The following COPZ1 variants were observed in gnomAD, a reference collection of about 807,000 sequenced individuals.
The protein encoded by COPZ1 is coatomer subunit zeta-1.
A neutral mutation model predicts 31.7 loss-of-function variants in COPZ1; 4 were observed. The observed-to-expected ratio is 0.13, with a 90% CI of 0.06 to 0.29. The LOEUF (loss-of-function observed/expected upper bound fraction) is 0.29, where lower values mean the gene tolerates loss of function less well. Ranked by LOEUF, COPZ1 falls within the 10% of genes least tolerant of loss-of-function variation. COPZ1 has a pLI of 1.00. For missense variants in COPZ1, 156 were observed against 211.5 expected (o/e 0.74, Z 1.63); for synonymous variants, 74 against 79.0 (o/e 0.94, Z 0.33).
intron 1 of COPZ1, among the ~76,000 whole-genome samples, chr12:54,330,088 G>A (rs1394061784): frequency 2.0e-5 from 3 of 152,002 alleles, no homozygotes; most frequent in African/African-American, 7.2e-5. Context: ...CCTCCATTTT[G>A]TTAGGAGAAG....
intron 1 of COPZ1, among the ~76,000 whole-genome samples, chr12:54,328,270 C>G (rs1276446470): frequency 9.8e-6 from 1 of 102,372 alleles, no homozygotes; most frequent in South Asian, 5.1e-4. Context: ...TGTTAGACTC[C>G]ATCTCAAAAA....
intron 8 of COPZ1, 31 bp downstream of exon 8, chr12:54,349,689 G>T: frequency 1.3e-6 from 2 of 1,575,864 alleles, no homozygotes; most frequent in Non-Finnish European, 1.7e-6. Flanking sequence ...TTTCCAGATG[G>T]ACTGGGTCAC....
At chr12:54,329,802 A>C (rs1000940208) in intron 1 of COPZ1, among the ~76,000 whole-genome samples, 1 of 152,210 alleles carries the variant, frequency 6.6e-6, no homozygotes, top group Non-Finnish European at 1.5e-5. Context: ...CAAAGTGCAC[A>C]AGGATATGAG....
intron 1 of COPZ1, among the ~76,000 whole-genome samples, chr12:54,331,299 G>T (rs1243805858): frequency 6.9e-6 from 1 of 145,550 alleles, no homozygotes; most frequent in African/African-American, 2.5e-5. Flanking sequence ...TCCTTCCTCC[G>T]CCTCCCGAGT....
intron 1 of COPZ1, among the ~76,000 whole-genome samples, chr12:54,335,181 C>CAA (rs556631294): frequency 6.8e-5 from 6 of 88,628 alleles, no homozygotes; most frequent in African/African-American, 2.2e-4. Context: ...GAAACTCTGT[C>CAA]AAAAAAAAAA....
At chr12:54,325,230 G>A (rs958840926) in intron 1 of COPZ1, 49 bp downstream of exon 1, 5 of 1,545,940 alleles carry the variant, frequency 3.2e-6, no homozygotes, top group African/African-American at 1.4e-5. Flanking sequence ...ACAGGGGCCG[G>A]GAGTCAGGGT....
chr12:54,332,305 C>T lies in COPZ1; in HGVS notation c.18+7124C>T, dbSNP rs575384414. Among the ~76,000 whole-genome samples, 247 of 150,362 alleles carry T rather than the reference C, an allele frequency of 1.6e-3. 1 individual carries two copies. Among genetic ancestry groups the T allele is most frequent in the Non-Finnish European group, 2.4e-3 (160 of 67,704 alleles). ...CAGCTTGGGCGACAGAGTGAGACTC[C>T]GTCTCAAAAAAAAAAAATTTTCCAA... On this transcript the variant is annotated intron_variant, in intron 1 of 8. Coordinates refer to ENST00000262061, the MANE Select transcript of COPZ1 (RefSeq NM_016057.3).
At chr12:54,338,802 T>A (rs186041887) in intron 1 of COPZ1, among the ~76,000 whole-genome samples, 26 of 152,346 alleles carry the variant, frequency 1.7e-4, no homozygotes, top group Admixed American at 1.4e-3. Flanking sequence ...GGAAAGCTTA[T>A]GTTCCTCATC....
intron 5 of COPZ1, chr12:54,346,681 C>T (rs1954070523): frequency 1.4e-6 from 1 of 701,428 alleles, no homozygotes; most frequent in African/African-American, 1.8e-5. Flanking sequence ...CACAGTGAGA[C>T]CCTGTCTCTG....
intron 1 of COPZ1, among the ~76,000 whole-genome samples, chr12:54,329,933 C>T (rs1158019440): frequency 6.6e-6 from 1 of 152,142 alleles, no homozygotes; most frequent in Non-Finnish European, 1.5e-5. Flanking sequence ...TTGGCCCTAA[C>T]AGTAGAGGTA....
At chr12:54,345,614 C>G in intron 5 of COPZ1, 99 bp downstream of exon 5, 1 of 986,926 alleles carries the variant, frequency 1.0e-6, no homozygotes, top group Non-Finnish European at 1.6e-6. Context: ...TCTTCAGGCC[C>G]AGGGATTGTA....
chr12:54,340,480 G>T (rs1191087019), intron 1 of COPZ1, 67 bp from the exon 2 acceptor site: 2 of 1,602,506 alleles, frequency 1.2e-6, no homozygotes, highest in Admixed American at 1.8e-5. Context: ...GGGACTAGGG[G>T]AAGGTATCTG....
chr12:54,325,152 C>T lies in COPZ1; in HGVS notation c.-12C>T. ...TTTTGCGGCTCCACGTCGGCACCAG[C>T]TGCGGGGCAAGATGGAGGCGCTGAT... On this transcript the variant is annotated 5_prime_UTR_variant, in exon 1 of 9. Coordinates refer to ENST00000262061, the MANE Select transcript of COPZ1 (RefSeq NM_016057.3). 1 of 1,562,850 alleles carries T rather than the reference C, an allele frequency of 6.4e-7. No individual in the cohort carries two copies. Among genetic ancestry groups the T allele is most frequent in the South Asian group, 1.2e-5 (1 of 84,902 alleles).
At chr12:54,347,644 A>T in intron 5 of COPZ1, 123 bp from the exon 6 acceptor site, 1 of 795,020 alleles carries the variant, frequency 1.3e-6, no homozygotes. Flanking sequence ...CACCTTATTT[A>T]CTTCTTTGTG....
At chr12:54,326,640 GGTGT>G (rs71070816) in intron 1 of COPZ1, among the ~76,000 whole-genome samples, 11,966 of 134,384 alleles carry the variant, frequency 0.089, 570 homozygotes, top group Non-Finnish European at 0.11. Context: ...GATTTGGAGG[GGTGT>G]GTGTGTGTGT....
At chr12:54,329,999 G>T (rs1324702169) in intron 1 of COPZ1, among the ~76,000 whole-genome samples, 1 of 152,058 alleles carries the variant, frequency 6.6e-6, no homozygotes, top group African/African-American at 2.4e-5. Flanking sequence ...ATTACATTAA[G>T]CCCCTAAAGC....
chr12:54,342,080 C>A lies in COPZ1; in HGVS notation c.88-126C>A. 4.5e-6 allele frequency: 3 copies of A among 666,830 alleles called. No homozygotes were observed. The South Asian group carries it at 5.4e-5, about 12-fold the overall frequency. The allele number at this position is 666,830 out of a possible 1,614,324, so 41.3% of individuals were successfully genotyped here. A position where few individuals can be genotyped will look rare whatever the true frequency, so the allele number is the denominator to read the frequency against. ...CTCTACAATCCTTCCTTTTCCATGTCAGTATTTCTCCCTTGCCCCATGCCT... is the reference window on the plus strand; with the variant it reads ...CTCTACAATCCTTCCTTTTCCATGTAAGTATTTCTCCCTTGCCCCATGCCT... On this transcript the variant is annotated intron_variant, in intron 2 of 8. Coordinates refer to ENST00000262061, the MANE Select transcript of COPZ1 (RefSeq NM_016057.3).
At chr12:54,342,129 C>T (rs1953982281) in intron 2 of COPZ1, 77 bp from the exon 3 acceptor site, 2 of 1,045,974 alleles carry the variant, frequency 1.9e-6, no homozygotes, top group Non-Finnish European at 3.0e-6. Context: ...TCCAAGATCC[C>T]AGGGCAAAAC....
intron 3 of COPZ1, 80 bp downstream of exon 3, chr12:54,342,367 A>G: frequency 9.8e-7 from 1 of 1,020,798 alleles, no homozygotes; most frequent in Non-Finnish European, 1.6e-6. Flanking sequence ...CTGCAGAGAA[A>G]GGATGAAATG....
Sources: gnomAD v4.1 joint callset for allele counts (sites outside exome capture counted in the v4.1 genomes callset) on GRCh38, gnomAD v4.1.1 for gene constraint, MANE v1.5 for transcripts, NCBI Gene and HGNC (gene_info 2026-07-23, HGNC 2026-07-21) for gene names.